ZNF829: variants seen among roughly 807,000 people sequenced by gnomAD.
ZNF829 encodes zinc finger protein 829.
ZNF829 carries 25 observed loss-of-function variants against 35.2 expected under a neutral mutation model. That is an observed-to-expected ratio of 0.71 (90% confidence interval 0.52 to 0.99). The LOEUF (loss-of-function observed/expected upper bound fraction) is 0.99. ZNF829 is among the 50% of genes least tolerant of loss of function. ZNF829 has a pLI of 0.00. For synonymous variants in ZNF829, 136 were observed against 163.2 expected, an observed-to-expected ratio of 0.83 and a Z score of 1.27; for missense variants, 417 against 515.3, an observed-to-expected ratio of 0.81 and a Z score of 1.85.
chr19:36,896,524 T>C (rs1472843436), intron 5 of ZNF829, among the ~76,000 whole-genome samples: 1 of 151,928 alleles, frequency 6.6e-6, no homozygotes, highest in African/African-American at 2.4e-5. Flanking sequence ...CATAAAATAA[T>C]AGTACGGGAT....
At chr19:36,910,609 C>T (rs1454373940) in intron 3 of ZNF829, among the ~76,000 whole-genome samples, 1 of 152,144 alleles carries the variant, frequency 6.6e-6, no homozygotes, top group Non-Finnish European at 1.5e-5. Context: ...TTTTCTTAGG[C>T]AAAAATACTT....
intron 5 of ZNF829, among the ~76,000 whole-genome samples, chr19:36,895,660 GA>G (rs201621874): frequency 1.3e-5 from 2 of 149,932 alleles, no homozygotes; most frequent in South Asian, 2.1e-4. Context: ...GTGAAGAGAT[GA>G]AAAAAAAATA....
chr19:36,916,237 C>A lies in ZNF829; in HGVS notation c.-311G>T, dbSNP rs1445783201. 2.8e-6 allele frequency: 1 copy of A among 361,232 alleles called. No homozygotes were observed. Among genetic ancestry groups the A allele is most frequent in the Non-Finnish European group, 5.0e-6 (1 of 200,096 alleles). 22.4% of individuals were successfully genotyped at this position (361,232 alleles called of 1,614,324 possible). A position where few individuals can be genotyped will look rare whatever the true frequency, so the allele number is the denominator to read the frequency against. On this transcript the variant is annotated 5_prime_UTR_variant, in exon 1 of 6. In the 5' UTR this introduces an upstream ATG that the reference lacks. Transcript: ENST00000391711. This position sits in a 1 kb window ranked among gnomAD's most constrained non-coding sequence, Gnocchi z 5.3. ...GTAGCGCTGCGCAATGGAGATGAGC[C>A]TCCCGGGGAACCCGGCCCAAGCCTC...
chr19:36,913,681 C>T (rs1185724099), intron 3 of ZNF829, among the ~76,000 whole-genome samples: 2 of 151,998 alleles, frequency 1.3e-5, no homozygotes, highest in African/African-American at 4.8e-5. Flanking sequence ...GAGAATGATA[C>T]GGGGGCTTTT....
intron 5 of ZNF829, among the ~76,000 whole-genome samples, chr19:36,894,052 C>T (rs1194424273): frequency 6.6e-6 from 1 of 152,186 alleles, no homozygotes; most frequent in Non-Finnish European, 1.5e-5. Context: ...AGGGCCTTCC[C>T]ACATGGATCT....
At chr19:36,915,799 G>T (rs2073319507) in intron 1 of ZNF829, 4 of 1,472,928 alleles carry the variant, frequency 2.7e-6, no homozygotes, top group Non-Finnish European at 3.7e-6. Context: ...GTTTCACCAT[G>T]TTGGCCAGGA....
chr19:36,898,897 A>G (rs4805189), intron 5 of ZNF829, among the ~76,000 whole-genome samples: 21,887 of 152,196 alleles, frequency 0.14, 1,785 homozygotes, highest in Middle Eastern at 0.25. Flanking sequence ...AAATTATAAA[A>G]CTACTGCAGG....
intron 5 of ZNF829, among the ~76,000 whole-genome samples, chr19:36,903,452 G>A (rs1405231758): frequency 6.6e-6 from 1 of 152,010 alleles, no homozygotes; most frequent in Non-Finnish European, 1.5e-5. Flanking sequence ...TTGGGGGAGT[G>A]GTATCACATG....
intron 3 of ZNF829, among the ~76,000 whole-genome samples, chr19:36,914,140 A>G (rs2073285815): frequency 6.6e-6 from 1 of 152,214 alleles, no homozygotes; most frequent in African/African-American, 2.4e-5. Context: ...GGCTTTAAGC[A>G]TAAATATAGG....
rs1030367163 is a variant in ZNF829, at chr19:36,888,529, C to T, written c.*2963G>A. The T allele has an allele frequency of 1.3e-5, 2 of 152,138 alleles. No individual in the cohort carries two copies. Among genetic ancestry groups the T allele is most frequent in the African/African-American group, 4.8e-5 (2 of 41,426 alleles). 9.4% of individuals were successfully genotyped at this position (152,138 alleles called of 1,614,324 possible). A position where few individuals can be genotyped will look rare whatever the true frequency, so the allele number is the denominator to read the frequency against. On this transcript the variant is annotated 3_prime_UTR_variant, in exon 6 of 6. Transcript: ENST00000391711. ...CAGTAACTTATTAGCATAATGCCCC[C>T]ACCTTTTAAAAAAGCATTCTTAATT...
At chr19:36,898,345 T>C (rs1326806522) in intron 5 of ZNF829, among the ~76,000 whole-genome samples, 1 of 151,982 alleles carries the variant, frequency 6.6e-6, no homozygotes, top group Non-Finnish European at 1.5e-5. Flanking sequence ...ACAAAAGAAA[T>C]TGAAGACAAC....
At chr19:36,909,763 C>A (rs866910214) in intron 3 of ZNF829, among the ~76,000 whole-genome samples, 1 of 150,068 alleles carries the variant, frequency 6.7e-6, no homozygotes, top group Non-Finnish European at 1.5e-5. Flanking sequence ...GCCAAGATTG[C>A]GCCACTGCAC....
chr19:36,906,269 T>C (rs1040209744), intron 5 of ZNF829: 3 of 152,174 alleles, frequency 2.0e-5, no homozygotes, highest in African/African-American at 7.2e-5. Context: ...CATCAAAAGG[T>C]ACTATTAAAA....
At chr19:36,905,171 C>T (rs952282644) in intron 5 of ZNF829, among the ~76,000 whole-genome samples, 2 of 152,106 alleles carry the variant, frequency 1.3e-5, no homozygotes, top group African/African-American at 4.8e-5. Flanking sequence ...TTGATCTTCT[C>T]ATTGATGAAT....
intron 5 of ZNF829, 183 bp downstream of exon 5, chr19:36,907,746 A>G: frequency 3.9e-6 from 2 of 508,438 alleles, no homozygotes; most frequent in East Asian, 7.1e-5. Context: ...TAGAATAATT[A>G]TAGCATAATT....
At chr19:36,903,633 G>A (rs2073190427) in intron 5 of ZNF829, among the ~76,000 whole-genome samples, 1 of 152,278 alleles carries the variant, frequency 6.6e-6, no homozygotes, top group Middle Eastern at 3.4e-3. Flanking sequence ...GCTCAGACCT[G>A]TAATCCCAGC....
chr19:36,915,243 A>T lies in ZNF829; in HGVS notation c.-76T>A, dbSNP rs1252829364. The T allele has an allele frequency of 1.2e-6, 2 of 1,612,424 alleles. No homozygotes were observed. The highest frequency in any genetic ancestry group is 1.3e-5 in the African/African-American group (1 of 74,858). ...GGGTTGGAATCTGACCAGACCTCAG[A>T]GAGGTTTCCTAGAGACAGAGTTCTG... On this transcript the variant is annotated 5_prime_UTR_variant, in exon 2 of 6. Coordinates refer to ENST00000391711, the MANE Select transcript of ZNF829 (RefSeq NM_001037232.4).
intron 5 of ZNF829, among the ~76,000 whole-genome samples, chr19:36,903,959 T>G (rs1293921038): frequency 1.3e-5 from 2 of 152,222 alleles, no homozygotes; most frequent in Non-Finnish European, 2.9e-5. Context: ...TTGATGGGTT[T>G]ATTTTCAATC....
intron 5 of ZNF829, among the ~76,000 whole-genome samples, chr19:36,902,783 C>G (rs959868337): frequency 2.6e-5 from 4 of 152,204 alleles, no homozygotes; most frequent in African/African-American, 9.7e-5. Flanking sequence ...CGCCTATAAT[C>G]CCAGCACTTT....
Sources: gnomAD v4.1 joint callset for allele counts (sites outside exome capture counted in the v4.1 genomes callset) on GRCh38, gnomAD v4.1.1 for gene constraint, Gnocchi (gnomAD v3.1) non-coding constraint, MANE v1.5 for transcripts, NCBI Gene and HGNC (gene_info 2026-07-23, HGNC 2026-07-21) for gene names.